The following MIER1 variants were observed in gnomAD, a reference collection of about 807,000 sequenced individuals.
The protein encoded by MIER1 is MIER1 transcriptional regulator.
Under a neutral mutation model 75.7 loss-of-function variants are expected in MIER1, and 40 were observed. That is an observed-to-expected ratio of 0.53 (90% CI 0.41 to 0.69). The LOEUF (loss-of-function observed/expected upper bound fraction) is 0.69. MIER1 is among the 30% of genes least tolerant of loss of function. The probability of loss-of-function intolerance (pLI) is 0.00; values close to 1 mark genes in which losing one functional copy is unlikely to be tolerated. For synonymous variants in MIER1, 213 were observed against 223.4 expected (o/e 0.95, Z 0.42); for missense variants, 574 against 680.2 (o/e 0.84, Z 1.74).
chr1:66,932,977 T>A (rs1653819313), intron 2 of MIER1, among the ~76,000 whole-genome samples: 1 of 152,164 alleles, frequency 6.6e-6, no homozygotes, highest in Admixed American at 6.5e-5. Context: ...TTGATCTGAT[T>A]ATCTTAGTCC....
At chr1:66,936,998 CAAAAAAAAAAAAA>C (rs751644771) in intron 2 of MIER1, among the ~76,000 whole-genome samples, 4 of 68,354 alleles carry the variant, frequency 5.9e-5, no homozygotes, top group East Asian at 9.1e-4. Context: ...GACTCCATCT[CAAAAAAAAAAAAA>C]AAAAAAAAAG....
chr1:66,964,699 G>A (rs1662016647), intron 8 of MIER1, among the ~76,000 whole-genome samples: 2 of 152,044 alleles, frequency 1.3e-5, no homozygotes, highest in Non-Finnish European at 2.9e-5. Context: ...TGATTCGCCT[G>A]CCTCAGCCTC....
In MIER1 at chr1:66,963,111, T is replaced by C. The variant is rs369195058; in HGVS notation, c.723T>C (p.Phe241=). 3.1e-6 allele frequency: 5 copies of C among 1,612,102 alleles called. No individual in the cohort carries two copies. The African/African-American group carries it at 5.3e-5, about 17-fold the overall frequency. The change falls in exon 8 of 14, where the codon TTT becomes TTC. Residue 241 remains phenylalanine, a synonymous_variant. Coordinates refer to ENST00000401041, the MANE Select transcript of MIER1 (RefSeq NM_001077700.3). The part of the protein sequence containing the change: ...WKKEIMVGSM[F]QAEIPVGICR... ...AGGAGATTATGGTGGGCTCCATGTTTCAAGCAGAAATTCCAGTTGGCATTT... is the reference window on the plus strand; with the variant it reads ...AGGAGATTATGGTGGGCTCCATGTTCCAAGCAGAAATTCCAGTTGGCATTT...
At chr1:66,940,673 G>A (rs1656002331) in intron 3 of MIER1, among the ~76,000 whole-genome samples, 1 of 152,066 alleles carries the variant, frequency 6.6e-6, no homozygotes, top group Admixed American at 6.6e-5. Context: ...AATCAGATCT[G>A]TGCCACAAAT....
Position 66,959,715 on chromosome 1 carries a change from A to G in MIER1, c.671A>G (p.Asp224Gly). 1 of 1,434,072 alleles carries G rather than the reference A, an allele frequency of 7.0e-7. No homozygotes were observed. The highest frequency in any genetic ancestry group is 9.3e-7 in the Non-Finnish European group (1 of 1,069,726). 88.8% of individuals were successfully genotyped at this position (1,434,072 alleles called of 1,614,324 possible). A position where few individuals can be genotyped will look rare whatever the true frequency, so the allele number is the denominator to read the frequency against. Residue 224 changes from aspartate to glycine, a missense_variant, in exon 7 of 14, where the codon GAT becomes GGT. Coordinates refer to ENST00000401041, the MANE Select transcript of MIER1 (RefSeq NM_001077700.3). ...EVEEESEEDE[D>G]YIPSEDWKKE... ...GAAGAAGAATCTGAAGAAGATGAAG[A>G]TTATATTCCATCAGAAGACTGGAAA...
At chr1:66,979,853 C>G (rs112154079) in intron 12 of MIER1, among the ~76,000 whole-genome samples, 10 of 151,990 alleles carry the variant, frequency 6.6e-5, no homozygotes, top group African/African-American at 2.4e-4. Context: ...CAACCTCCAC[C>G]GCCCGGGTTG....
intron 4 of MIER1, among the ~76,000 whole-genome samples, chr1:66,952,959 C>G (rs752591950): frequency 1.3e-5 from 2 of 152,154 alleles, no homozygotes; most frequent in African/African-American, 4.8e-5. Flanking sequence ...TCTTTTCAGA[C>G]CAACTTTCTT....
In MIER1 at chr1:66,936,059, A is replaced by G. The variant is rs932606708; in HGVS notation, c.169-3969A>G. ...AGTAGGATAAGTTCAGGTTAGCAAA[A>G]TGATCTCCAGTGTGGTTGACATAAC... On this transcript the variant is annotated intron_variant, in intron 2 of 13. Transcript: ENST00000401041. 2.6e-5 allele frequency among the ~76,000 whole-genome samples: 4 copies of G among 152,172 alleles called. No individual in the cohort carries two copies. In the East Asian group the frequency reaches 5.8e-4, roughly 22 times the overall value.
chr1:66,966,220 G>A (rs571991943), intron 8 of MIER1, among the ~76,000 whole-genome samples: 4 of 152,106 alleles, frequency 2.6e-5, no homozygotes, highest in Non-Finnish European at 5.9e-5. Context: ...GGTGTGTGAT[G>A]TTCCCTTTCC....
intron 2 of MIER1, among the ~76,000 whole-genome samples, chr1:66,937,577 T>A (rs1256921542): frequency 6.7e-6 from 1 of 150,362 alleles, no homozygotes; most frequent in African/African-American, 2.5e-5. Flanking sequence ...ACAGCAAGAC[T>A]CCATCTCAAA....
Position 66,955,500 on chromosome 1 carries a change from G to A in MIER1, c.340-2559G>A, listed in dbSNP as rs183613338. ...CAGACCAATCGTAGAGAGCCTGAGG[G>A]CATTTGTTTGGTTGCTAATACACCT... On this transcript the variant is annotated intron_variant, in intron 4 of 13. Coordinates refer to ENST00000401041, the MANE Select transcript of MIER1 (RefSeq NM_001077700.3). Among the ~76,000 whole-genome samples, 74 of 152,038 alleles carry A rather than the reference G, an allele frequency of 4.9e-4. No individual in the cohort carries two copies. In the East Asian group the frequency reaches 0.013, roughly 27 times the overall value.
At chr1:66,968,738 CT>C (rs745628105) in intron 8 of MIER1, among the ~76,000 whole-genome samples, 5 of 152,216 alleles carry the variant, frequency 3.3e-5, no homozygotes, top group Non-Finnish European at 7.3e-5. Context: ...ATTACAAAAT[CT>C]CCTGAGCTAC....
intron 7 of MIER1, 96 bp downstream of exon 7, chr1:66,959,839 G>A (rs917842492): frequency 4.1e-6 from 2 of 489,348 alleles, no homozygotes; most frequent in Non-Finnish European, 7.1e-6. Flanking sequence ...TATGTATATT[G>A]ATAAAATCGA....
chr1:66,976,245 ACCCC>A (rs370748862), intron 11 of MIER1, among the ~76,000 whole-genome samples: 1 of 151,138 alleles, frequency 6.6e-6, no homozygotes, highest in Non-Finnish European at 1.5e-5. Context: ...CTCGTGATCC[ACCCC>A]CCTTGGCCTC....
In MIER1 at chr1:66,963,108, G is replaced by C; in HGVS notation, c.720G>C (p.Met240Ile). The part of the protein sequence containing the change: ...DWKKEIMVGS[M>I]FQAEIPVGIC... The stretch of plus-strand genomic sequence containing the variant: ...AATAGGAGATTATGGTGGGCTCCAT[G>C]TTTCAAGCAGAAATTCCAGTTGGCA... The change falls in exon 8 of 14, where the codon ATG (methionine) becomes ATC (isoleucine). Residue 240 changes from methionine (M) to isoleucine (I), a missense_variant. Coordinates refer to ENST00000401041, the MANE Select transcript of MIER1 (RefSeq NM_001077700.3). 6.2e-7 allele frequency: 1 copy of C among 1,611,702 alleles called. No homozygotes were observed. The highest frequency in any genetic ancestry group is 8.5e-7 in the Non-Finnish European group (1 of 1,178,132).
intron 2 of MIER1, among the ~76,000 whole-genome samples, chr1:66,928,580 T>G (rs1260489618): frequency 6.6e-6 from 1 of 152,206 alleles, no homozygotes; most frequent in African/African-American, 2.4e-5. Context: ...TATCCATTGT[T>G]CTTTGCCTTC....
At position 66,970,573 on chromosome 1, in the gene MIER1, A is replaced by G. The variant is rs140016148; in HGVS notation, c.773-235A>G. Among the ~76,000 whole-genome samples, 540 of 152,298 alleles carry G rather than the reference A, an allele frequency of 3.5e-3. 3 individuals are homozygous for G. Among genetic ancestry groups the G allele is most frequent in the African/African-American group, 0.012 (516 of 41,584 alleles). ...GAGAGCTTGGAATTTGGTAAACTCA[A>G]GATAAAGTCAGACTGGATCTGCAGG... On this transcript the variant is annotated intron_variant, in intron 8 of 13. Coordinates refer to ENST00000401041, the MANE Select transcript of MIER1 (RefSeq NM_001077700.3).
At chr1:66,981,417 A>G (rs1487398142) in intron 12 of MIER1, among the ~76,000 whole-genome samples, 4 of 152,088 alleles carry the variant, frequency 2.6e-5, no homozygotes, top group African/African-American at 9.7e-5. Context: ...AATTCAATCT[A>G]TGTTTGTACA....
chr1:66,968,637 T>A (rs948952974), intron 8 of MIER1, among the ~76,000 whole-genome samples: 10 of 152,226 alleles, frequency 6.6e-5, no homozygotes, highest in Non-Finnish European at 1.5e-5. Flanking sequence ...TCTTCATTGG[T>A]TAGCACTCCT....
Sources: gnomAD v4.1 joint callset for allele counts (sites outside exome capture counted in the v4.1 genomes callset) on GRCh38, gnomAD v4.1.1 for gene constraint, MANE v1.5 for transcripts, NCBI Gene and HGNC (gene_info 2026-07-23, HGNC 2026-07-21) for gene names.